The following CAPSL variants were observed in gnomAD, a reference collection of about 807,000 sequenced individuals.
The protein encoded by CAPSL is calcyphosin-like protein.
Under a neutral mutation model 21.3 loss-of-function variants are expected in CAPSL, and 17 were observed. That is an observed-to-expected ratio of 0.80 (90% CI 0.55 to 1.20). CAPSL has a LOEUF of 1.20. Among genes scored for constraint, CAPSL ranks in the 50% most tolerant of loss-of-function variants. The pLI is 0.00. For missense variants in CAPSL, 289 were observed against 259.3 expected (o/e 1.11, Z -0.79); for synonymous variants, 102 against 89.3 (o/e 1.14, Z -0.80).
chr5:35,913,253 G>T (rs536771246), intron 2 of CAPSL, among the ~76,000 whole-genome samples: 53 of 152,222 alleles, frequency 3.5e-4, no homozygotes, highest in African/African-American at 1.2e-3. Context: ...GAAAGTGATG[G>T]GGAGAAAGGA....
At chr5:35,910,811 T>G (rs1036611927) in intron 2 of CAPSL, among the ~76,000 whole-genome samples, 1 of 151,618 alleles carries the variant, frequency 6.6e-6, no homozygotes, top group Non-Finnish European at 1.5e-5. Flanking sequence ...AAGGAAAGAG[T>G]TGAATTGGTG....
chr5:35,911,270 C>A (rs367647182), intron 2 of CAPSL, among the ~76,000 whole-genome samples: 27 of 152,238 alleles, frequency 1.8e-4, no homozygotes, highest in African/African-American at 6.3e-4. Flanking sequence ...GGTTTCCTTC[C>A]AAAAAGTACG....
intron 1 of CAPSL, among the ~76,000 whole-genome samples, chr5:35,932,876 C>A (rs2149934001): frequency 6.6e-6 from 1 of 152,300 alleles, no homozygotes; most frequent in Admixed American, 6.5e-5. Context: ...TTTCCACGGG[C>A]AGTTATGAAG....
At chr5:35,907,899 G>A (rs568814823) in intron 4 of CAPSL, among the ~76,000 whole-genome samples, 191 of 152,310 alleles carry the variant, frequency 1.3e-3, no homozygotes, top group Middle Eastern at 6.8e-3. Context: ...AATTTACCAT[G>A]GAGTTCCTCT....
intron 4 of CAPSL, among the ~76,000 whole-genome samples, chr5:35,905,662 C>G (rs1190360378): frequency 6.6e-6 from 1 of 152,232 alleles, no homozygotes; most frequent in Non-Finnish European, 1.5e-5. Context: ...CTTCTTTATT[C>G]CTCTCCTCCT....
chr5:35,904,577 T>C lies in CAPSL; in HGVS notation c.595A>G (p.Ile199Val), dbSNP rs112464695. 90 of 1,613,710 alleles carry C rather than the reference T, an allele frequency of 5.6e-5. No individual in the cohort carries two copies. Among genetic ancestry groups the C allele is most frequent in the Non-Finnish European group, 7.1e-5 (84 of 1,179,952 alleles). ...SASIDTDVYFIIMMRTAWKL is the reference protein window; with the variant it reads ...SASIDTDVYFVIMMRTAWKL Reference sequence around the variant, plus strand: ...TTCCAGGCGGTTCTCATCATGATGATGAAGTACACATCAGTGTCAATGGAT... The same window carrying C: ...TTCCAGGCGGTTCTCATCATGATGACGAAGTACACATCAGTGTCAATGGAT... Residue 199 changes from isoleucine (I) to valine (V), a missense_variant, in exon 5 of 5, where the codon ATC (isoleucine) becomes GTC (valine). Transcript: ENST00000651391.
intron 1 of CAPSL, among the ~76,000 whole-genome samples, chr5:35,930,135 C>T (rs1424395234): frequency 6.6e-6 from 1 of 152,146 alleles, no homozygotes; most frequent in African/African-American, 2.4e-5. Context: ...GGCATTTCAT[C>T]TACACTTAAG....
At chr5:35,906,006 G>A (rs1394923949) in intron 4 of CAPSL, among the ~76,000 whole-genome samples, 1 of 152,192 alleles carries the variant, frequency 6.6e-6, no homozygotes, top group East Asian at 1.9e-4. Context: ...TAAAGTCTCA[G>A]TCCTCAAAAA....
chr5:35,933,894 G>A lies in CAPSL; in HGVS notation c.-1+4647C>T, dbSNP rs535721125. ...TGCAGGAAAAACAAGATGCTGAGTG[G>A]CAATGGAATTATGGCTAAAAATGTG... On this transcript the variant is annotated intron_variant, in intron 1 of 4. Transcript: ENST00000651391. Among the ~76,000 whole-genome samples, 30 of 152,294 alleles carry A rather than the reference G, an allele frequency of 2.0e-4. No homozygotes were observed. The South Asian group carries it at 2.9e-3, about 15-fold the overall frequency.
intron 2 of CAPSL, among the ~76,000 whole-genome samples, chr5:35,915,184 C>A (rs530741067): frequency 2.0e-4 from 30 of 152,252 alleles, no homozygotes; most frequent in African/African-American, 6.5e-4. Flanking sequence ...TCTGAATAGA[C>A]CAATAACAGA....
intron 2 of CAPSL, among the ~76,000 whole-genome samples, chr5:35,919,160 T>A (rs1216723202): frequency 1.5e-5 from 2 of 129,184 alleles, no homozygotes; most frequent in South Asian, 5.7e-4. Context: ...CTTTCCTGAT[T>A]AAAAAAAAAA....
chr5:35,912,936 T>C (rs1486615858), intron 2 of CAPSL, among the ~76,000 whole-genome samples: 1 of 151,972 alleles, frequency 6.6e-6, no homozygotes, highest in African/African-American at 2.4e-5. Flanking sequence ...TTTGCACCCA[T>C]GGCAAAGAAG....
intron 2 of CAPSL, among the ~76,000 whole-genome samples, chr5:35,920,245 A>G (rs1738501314): frequency 6.6e-6 from 1 of 152,078 alleles, no homozygotes; most frequent in Non-Finnish European, 1.5e-5. Flanking sequence ...AACTTCTCAC[A>G]CCACTGAGAT....
intron 1 of CAPSL, among the ~76,000 whole-genome samples, chr5:35,934,816 T>C (rs1019766067): frequency 3.9e-5 from 6 of 152,234 alleles, no homozygotes; most frequent in Admixed American, 2.0e-4. Flanking sequence ...TTCTGTGAAT[T>C]GTCCTTCATT....
chr5:35,935,340 T>C (rs1460104311), intron 1 of CAPSL, among the ~76,000 whole-genome samples: 1 of 151,828 alleles, frequency 6.6e-6, no homozygotes, highest in Non-Finnish European at 1.5e-5. Flanking sequence ...AACTTCTTTT[T>C]TTTTTTTTCT....
chr5:35,923,127 A>T (rs852246), intron 1 of CAPSL, among the ~76,000 whole-genome samples: 27,762 of 152,172 alleles, frequency 0.18, 3,378 homozygotes, highest in East Asian at 0.51. Context: ...GGCTGTCCCC[A>T]GCCACTCACC....
At position 35,904,568 on chromosome 5, in the gene CAPSL, T is replaced by G; in HGVS notation, c.604A>C (p.Met202Leu). ...IDTDVYFIIMMRTAWKL is the reference protein window; with the variant it reads ...IDTDVYFIIMLRTAWKL ...GCTTAAAGCTTCCAGGCGGTTCTCA[T>G]CATGATGATGAAGTACACATCAGTG... Residue 202 changes from methionine (M) to leucine (L), a missense_variant, in exon 5 of 5, where the codon ATG becomes CTG. Coordinates refer to ENST00000651391, the MANE Select transcript of CAPSL (RefSeq NM_001042625.2). 6.2e-7 allele frequency: 1 copy of G among 1,613,858 alleles called. No homozygotes were observed. The highest frequency in any genetic ancestry group is 8.5e-7 in the Non-Finnish European group (1 of 1,179,928).
chr5:35,910,257 C>G (rs1292189239), intron 3 of CAPSL, 109 bp downstream of exon 3: 1 of 1,265,750 alleles, frequency 7.9e-7, no homozygotes, highest in South Asian at 1.5e-5. Flanking sequence ...CTGCTTATCC[C>G]CCTCCCCACA....
chr5:35,922,966 C>A (rs1246735987), intron 1 of CAPSL, among the ~76,000 whole-genome samples: 2 of 152,140 alleles, frequency 1.3e-5, no homozygotes, highest in Non-Finnish European at 2.9e-5. Context: ...GTGGCATGCG[C>A]CCCATCCCCA....
Sources: gnomAD v4.1 joint callset for allele counts (sites outside exome capture counted in the v4.1 genomes callset) on GRCh38, gnomAD v4.1.1 for gene constraint, MANE v1.5 for transcripts, NCBI Gene and HGNC (gene_info 2026-07-23, HGNC 2026-07-21) for gene names.